STMN4: variants seen among roughly 807,000 people sequenced by gnomAD.
STMN4 encodes the protein stathmin-4.
A neutral mutation model predicts 29.1 loss-of-function variants in STMN4; 12 were observed. That is an observed-to-expected ratio of 0.41 (90% CI 0.26 to 0.67). The LOEUF is 0.67. Ranked by LOEUF, STMN4 falls within the 30% of genes least tolerant of loss-of-function variation. The pLI, the probability that STMN4 is intolerant of heterozygous loss-of-function variation, is 0.30. For synonymous variants in STMN4, 114 were observed against 105.3 expected (o/e 1.08, Z -0.51); for missense variants, 181 against 262.8 (o/e 0.69, Z 2.15).
At chr8:27,241,940 C>T (rs1158023740) in intron 3 of STMN4, among the ~76,000 whole-genome samples, 183 bp from the exon 4 acceptor site, 2 of 152,184 alleles carry the variant, frequency 1.3e-5, no homozygotes, top group Non-Finnish European at 2.9e-5. Context: ...CGGCTACAGG[C>T]CCCACACAGC....
intron 1 of STMN4, among the ~76,000 whole-genome samples, chr8:27,257,459 AAC>A (rs59516183): frequency 0.15 from 21,193 of 137,372 alleles, 1,603 homozygotes; most frequent in South Asian, 0.24. Flanking sequence ...CCCCCATACA[AAC>A]ACACACACAC....
Position 27,236,861 on chromosome 8 carries a change from T to G in STMN4, c.636A>C (p.Glu212Asp), listed in dbSNP as rs553119370. ...CCTCTAGGCTTTACCTGGAGGCCTC[T>G]TCCTTCAGCTCCTTGTTTTTCCGCA... ...EEVRKNKELKEEASR is the reference protein window; with the variant it reads ...EEVRKNKELKDEASR Residue 212 changes from glutamate to aspartate, a missense_variant, in exon 7 of 7, where the codon GAA becomes GAC. Physicochemically the swap from Glu to Asp is conservative, Grantham distance 45 (BLOSUM62 2). Transcript: ENST00000350889. 51 of 1,606,578 alleles carry G rather than the reference T, an allele frequency of 3.2e-5. No homozygotes were observed. Among genetic ancestry groups the G allele is most frequent in the Non-Finnish European group, 4.2e-5 (50 of 1,176,922 alleles).
Position 27,241,676 on chromosome 8 carries a change from C to G in STMN4, c.190+1G>C. The stretch of plus-strand genomic sequence containing the variant: ...GAATCCCTCCGCTGCCTCCCTCCTA[C>G]CCTGAGCTCTTCTTTCTCTCCAGTC... On this transcript the variant is annotated splice_donor_variant, in intron 4 of 6. Coordinates refer to ENST00000350889, the MANE Select transcript of STMN4 (RefSeq NM_030795.4). LOFTEE classifies it high-confidence loss of function. 2.5e-6 allele frequency: 4 copies of G among 1,614,184 alleles called. No individual in the cohort carries two copies. In the South Asian group the frequency reaches 3.3e-5, roughly 13 times the overall value.
intron 1 of STMN4, among the ~76,000 whole-genome samples, chr8:27,250,204 A>G (rs781367529): frequency 1.4e-4 from 21 of 152,204 alleles, no homozygotes; most frequent in Non-Finnish European, 2.2e-4. Flanking sequence ...TGCCACATTT[A>G]TTTGCTTTGG....
chr8:27,238,724 G>A (rs913169788), intron 6 of STMN4, among the ~76,000 whole-genome samples: 4 of 152,210 alleles, frequency 2.6e-5, no homozygotes, highest in East Asian at 1.9e-4. Flanking sequence ...TATTAGTTTC[G>A]TGACCCTGGG....
Position 27,238,073 on chromosome 8 carries a change from T to G in STMN4, c.592-1168A>C, listed in dbSNP as rs1426734471. ...TCTGTCCCTGCAGACACCCTAGAACTTTCTGTGGCCTAGGAGTGAGGAGTG... is the reference window on the plus strand; with the variant it reads ...TCTGTCCCTGCAGACACCCTAGAACGTTCTGTGGCCTAGGAGTGAGGAGTG... On this transcript the variant is annotated intron_variant, in intron 6 of 6. Transcript: ENST00000350889. 3.3e-5 allele frequency among the ~76,000 whole-genome samples: 5 copies of G among 152,120 alleles called. No homozygotes were observed. The East Asian group carries it at 9.6e-4, about 29-fold the overall frequency.
At chr8:27,250,760 C>T (rs911047378) in intron 1 of STMN4, among the ~76,000 whole-genome samples, 1 of 152,190 alleles carries the variant, frequency 6.6e-6, no homozygotes, top group African/African-American at 2.4e-5. Context: ...GGGTACCCAA[C>T]AGGCTTAGGC....
intron 1 of STMN4, among the ~76,000 whole-genome samples, chr8:27,244,160 C>T (rs1801558502): frequency 6.6e-6 from 1 of 152,194 alleles, no homozygotes; most frequent in African/African-American, 2.4e-5. Flanking sequence ...AGAAGCAAAT[C>T]CTCCTGCAGA....
intron 1 of STMN4, among the ~76,000 whole-genome samples, chr8:27,244,273 T>TG (rs1304733944): frequency 1.3e-5 from 2 of 152,200 alleles, no homozygotes; most frequent in African/African-American, 4.8e-5. Flanking sequence ...GAGAGGGAAT[T>TG]GGACATAGGA....
At chr8:27,258,225 T>C (rs117820746) in intron 1 of STMN4, 126 bp downstream of exon 1, 4,717 of 152,316 alleles carry the variant, frequency 0.031, 98 homozygotes, top group Non-Finnish European at 0.049. Flanking sequence ...AAAGTTTAAA[T>C]GATTGAGTAG....
At chr8:27,250,287 T>C (rs1036220485) in intron 1 of STMN4, among the ~76,000 whole-genome samples, 1 of 152,214 alleles carries the variant, frequency 6.6e-6, no homozygotes, top group South Asian at 2.1e-4. Flanking sequence ...TTGGCAGCCA[T>C]GTGTCTTCTT....
At chr8:27,237,894 A>C (rs1801354990) in intron 6 of STMN4, among the ~76,000 whole-genome samples, 1 of 152,204 alleles carries the variant, frequency 6.6e-6, no homozygotes, top group African/African-American at 2.4e-5. Flanking sequence ...TAGGGACCAC[A>C]TTATCTTTTC....
chr8:27,245,831 G>A (rs1200542313), intron 1 of STMN4, among the ~76,000 whole-genome samples: 4 of 152,192 alleles, frequency 2.6e-5, no homozygotes, highest in South Asian at 2.1e-4. Context: ...CCTCCAGCCC[G>A]AGCTAGAAAT....
chr8:27,249,450 T>G (rs1450979053), intron 1 of STMN4, among the ~76,000 whole-genome samples: 2 of 152,126 alleles, frequency 1.3e-5, no homozygotes, highest in Non-Finnish European at 2.9e-5. Context: ...TATACATCAG[T>G]CCCACACGAT....
chr8:27,246,453 C>T (rs1369222617), intron 1 of STMN4, among the ~76,000 whole-genome samples: 3 of 152,164 alleles, frequency 2.0e-5, no homozygotes, highest in Non-Finnish European at 4.4e-5. Flanking sequence ...AATCGAGGCT[C>T]AGGGAAGCTA....
intron 6 of STMN4, chr8:27,239,729 G>A: frequency 6.8e-7 from 1 of 1,462,524 alleles, no homozygotes; most frequent in Non-Finnish European, 9.0e-7. Context: ...GGCAATGAAG[G>A]ATTTTAATTG....
intron 1 of STMN4, among the ~76,000 whole-genome samples, 168 bp downstream of exon 1, chr8:27,258,183 T>C (rs530688630): frequency 4.3e-4 from 65 of 152,326 alleles, no homozygotes; most frequent in Middle Eastern, 3.4e-3. Flanking sequence ...CGCCATTCTT[T>C]CTGCCTCACC....
rs918349119 is a variant in STMN4, at chr8:27,240,128, T to A, written c.434A>T (p.Glu145Val). The change falls in exon 6 of 7, where the codon GAG becomes GTG. Residue 145 changes from glutamate to valine, a missense_variant. Glu to Val is a moderately radical substitution (Grantham distance 121). Transcript: ENST00000350889. ...QEAELLKHLA[E>V]KREHEREVIQ... ...CACCTCTCTCTCATGTTCCCGTTTCTCTGCTAGGTGTTTCAGGAGCTCCGC... is the reference window on the plus strand; with the variant it reads ...CACCTCTCTCTCATGTTCCCGTTTCACTGCTAGGTGTTTCAGGAGCTCCGC... 1 of 1,614,192 alleles carries A rather than the reference T, an allele frequency of 6.2e-7. No individual in the cohort carries two copies. Among genetic ancestry groups the A allele is most frequent in the East Asian group, 2.2e-5 (1 of 44,884 alleles).
rs149132791 is a variant in STMN4, at chr8:27,242,265, A to T, written c.109+132T>A. 1.6e-4 allele frequency: 146 copies of T among 918,018 alleles called. No homozygotes were observed. The Middle Eastern group carries it at 2.2e-3, about 14-fold the overall frequency. The allele number at this position is 918,018 out of a possible 1,614,324, so 56.9% of individuals were successfully genotyped here. On this transcript the variant is annotated intron_variant, in intron 3 of 6. Coordinates refer to ENST00000350889, the MANE Select transcript of STMN4 (RefSeq NM_030795.4). ...CAGACCCTCGGGCTCACCCGCTGTG[A>T]TTTCATCGGCACTGGGAAGGAAACT...
Sources: allele counts gnomAD v4.1 joint callset (sites outside exome capture counted in the v4.1 genomes callset), GRCh38; gene constraint gnomAD v4.1.1; transcripts MANE v1.5; gene names NCBI Gene and HGNC (gene_info 2026-07-23, HGNC 2026-07-21).